Variants in COL16A1 observed in about 807,000 individuals in gnomAD.
COL16A1 encodes collagen type XVI alpha 1 chain, also known as collagen alpha-1(XVI) chain.
In COL16A1, 189 loss-of-function variants were observed where a neutral mutation model predicts 266.3. That is an observed-to-expected ratio of 0.71 (90% CI 0.63 to 0.80). The LOEUF (loss-of-function observed/expected upper bound fraction) is 0.80, where lower values mean the gene tolerates loss of function less well. Among genes scored for constraint, COL16A1 ranks in the 30% least tolerant of loss-of-function variants. The pLI is 0.00. For missense variants in COL16A1, 1,928 were observed against 2,122.4 expected, an observed-to-expected ratio of 0.91 and a Z score of 1.80; for synonymous variants, 740 against 782.3, an observed-to-expected ratio of 0.95 and a Z score of 0.90.
At position 31,694,161 on chromosome 1, in the gene COL16A1, C is replaced by A; in HGVS notation, c.991G>T (p.Ala331Ser). The A allele has an allele frequency of 6.3e-7, 1 of 1,597,106 alleles. No individual in the cohort carries two copies. Reference sequence around the variant, plus strand: ...GGACTCACCTTGGGGCCAGAGGGAGCAAGTGTGACCTGAGGGGACAGAGGA... The same window carrying A: ...GGACTCACCTTGGGGCCAGAGGGAGAAAGTGTGACCTGAGGGGACAGAGGA... ...HGARDSNVTLAPSGPKGGKGE... is the reference protein window; with the variant it reads ...HGARDSNVTLSPSGPKGGKGE... The change falls in exon 12 of 71, where the codon GCT becomes TCT. Residue 331 changes from alanine (A) to serine (S), a missense_variant. This residue lies in a region of COL16A1 where 1,552 missense variants were observed against 1,637.2 expected (regional missense o/e 0.95). Coordinates refer to ENST00000373672, the MANE Select transcript of COL16A1 (RefSeq NM_001856.4).
rs1161672841 is a variant in COL16A1, at chr1:31,684,850, C to G, written c.2023G>C (p.Ala675Pro). The G allele has an allele frequency of 1.2e-6, 2 of 1,613,932 alleles. No individual in the cohort carries two copies. The highest frequency in any genetic ancestry group is 2.7e-5 in the African/African-American group (2 of 74,942). The change falls in exon 30 of 71, where the codon GCT (alanine) becomes CCT (proline). Residue 675 changes from alanine (A) to proline (P), a missense_variant. Physicochemically the swap from Ala to Pro is conservative, Grantham distance 27 (BLOSUM62 -1). Around this residue, in one of 2 missense-constraint regions of COL16A1, gnomAD observed 1,552 missense variants for 1,637.2 expected, o/e 0.95. Coordinates refer to ENST00000373672, the MANE Select transcript of COL16A1 (RefSeq NM_001856.4). ...TGCCCCTTCAGTCCACGCTCTCCAG[C>G]CTTGCCCTGAGGAGAAAGCATTTCC... is the stretch of plus-strand genomic sequence containing the variant. The part of the protein sequence containing the change: ...GFGLPGKQGK[A>P]GERGLKGQKG...
rs1641303953 is a variant in COL16A1, at chr1:31,657,887, C to A, written c.4020+601G>T. Among the ~76,000 whole-genome samples, 1 of 152,202 alleles carries A rather than the reference C, an allele frequency of 6.6e-6. No individual in the cohort carries two copies. Among genetic ancestry groups the A allele is most frequent in the South Asian group, 2.1e-4 (1 of 4,834 alleles). ...CAGGCAGGCTGGGATCAAGTCAGAG[C>A]TCTTCCACTCACTAGCTATGTGACT... On this transcript the variant is annotated intron_variant, in intron 64 of 70. Coordinates refer to ENST00000373672, the MANE Select transcript of COL16A1 (RefSeq NM_001856.4). This position sits in a 1 kb window ranked among gnomAD's most constrained non-coding sequence, Gnocchi z 6.4.
At chr1:31,683,834 TCCTGCCCTGCAC>T (rs1643827074) in intron 33 of COL16A1, 86 bp from the exon 34 acceptor site, 2 of 1,607,912 alleles carry the variant, frequency 1.2e-6, no homozygotes, top group African/African-American at 2.7e-5. Context: ...TCCAGCTTCT[TCCTGCCCTGCAC>T]CCTGCCTCCA....
chr1:31,686,450 A>G, intron 26 of COL16A1, 171 bp from the exon 27 acceptor site: 1 of 881,246 alleles, frequency 1.1e-6, no homozygotes, highest in Non-Finnish European at 1.8e-6. Flanking sequence ...GTAACCAGCC[A>G]GGGGCTAGAA....
At chr1:31,671,993 G>A (rs1275237364) in intron 47 of COL16A1, among the ~76,000 whole-genome samples, 1 of 152,202 alleles carries the variant, frequency 6.6e-6, no homozygotes, top group Non-Finnish European at 1.5e-5. Context: ...GCACATAGTT[G>A]GTGTTGAGCT....
At chr1:31,659,335 T>C (rs1415585542) in intron 62 of COL16A1, among the ~76,000 whole-genome samples, 2 of 152,042 alleles carry the variant, frequency 1.3e-5, no homozygotes, top group African/African-American at 4.8e-5. Context: ...TACTTCCTGC[T>C]GTTCTATGGA....
At chr1:31,672,301 G>A in intron 47 of COL16A1, 115 bp downstream of exon 47, 1 of 1,174,570 alleles carries the variant, frequency 8.5e-7, no homozygotes, top group Admixed American at 2.0e-5. Context: ...GAGAGCAGAT[G>A]AGCCCAGAGT....
intron 37 of COL16A1, 40 bp from the exon 38 acceptor site, chr1:31,681,107 C>T (rs1440703458): frequency 6.3e-7 from 1 of 1,581,766 alleles, no homozygotes; most frequent in South Asian, 1.2e-5. Context: ...TGAGACTGGG[C>T]AGCGGCCAGC....
At chr1:31,701,634 C>T (rs1422824086) in intron 2 of COL16A1, 1 of 915,642 alleles carries the variant, frequency 1.1e-6, no homozygotes, top group Non-Finnish European at 1.3e-6. Context: ...TCAGGGCCAG[C>T]CGTGGAGGAG....
At chr1:31,702,056 G>T in intron 2 of COL16A1, 65 bp downstream of exon 2, 1 of 1,611,136 alleles carries the variant, frequency 6.2e-7, no homozygotes, top group South Asian at 1.1e-5. Context: ...TATGTGCAAG[G>T]ACCCCAGCAC....
rs139689619 is a variant in COL16A1 at position 31,658,310 on chromosome 1, G to A, written c.4020+178C>T. ...CTCATGTGCAGCCTGGCACAGCACT[G>A]CAGGGCCTATCCTTCCAAATTCAGC... On this transcript the variant is annotated intron_variant, in intron 64 of 70. Coordinates refer to ENST00000373672, the MANE Select transcript of COL16A1 (RefSeq NM_001856.4). Among the ~76,000 whole-genome samples, 593 of 152,348 alleles carry A rather than the reference G, an allele frequency of 3.9e-3. 2 individuals are homozygous for A. Among genetic ancestry groups the A allele is most frequent in the Non-Finnish European group, 6.6e-3 (448 of 68,030 alleles).
At chr1:31,702,360 G>T (rs1157112508) in intron 1 of COL16A1, 133 bp from the exon 2 acceptor site, 1 of 861,322 alleles carries the variant, frequency 1.2e-6, no homozygotes, top group Admixed American at 2.2e-5. Context: ...CCAGGCATCA[G>T]TCTCTCTCAG....
intron 2 of COL16A1, among the ~76,000 whole-genome samples, chr1:31,701,072 C>T (rs974968505): frequency 5.3e-5 from 8 of 152,188 alleles, no homozygotes; most frequent in African/African-American, 1.9e-4. Context: ...GTGAAGACAG[C>T]TCCTAGAAGC....
chr1:31,697,974 G>C lies in COL16A1; in HGVS notation c.589C>G (p.Arg197Gly), dbSNP rs1644570818. ...TGGCCCACAGGCCTCATGGGTCGTC[G>C]GGGCCCCAGAGGCTGGGAGGAGGCT... Reference protein sequence around the residue: ...SSASSQPLGPRRPMRPVGHVF... With the variant: ...SSASSQPLGPGRPMRPVGHVF... Residue 197 changes from arginine (R) to glycine (G), a missense_variant, in exon 6 of 71, where the codon CGA becomes GGA. Physicochemically the swap from Arg to Gly is moderately radical, Grantham distance 125. This residue lies in a region of COL16A1 where 1,552 missense variants were observed against 1,637.2 expected (regional missense o/e 0.95). Transcript: ENST00000373672. This position sits in a 1 kb window ranked among gnomAD's most constrained non-coding sequence, Gnocchi z 4.2. The C allele has an allele frequency of 6.2e-7, 1 of 1,613,426 alleles. No homozygotes were observed.
At chr1:31,679,006 T>C (rs556542848) in intron 42 of COL16A1, among the ~76,000 whole-genome samples, 1 of 152,352 alleles carries the variant, frequency 6.6e-6, no homozygotes, top group African/African-American at 2.4e-5. Context: ...ACAAAGGCTA[T>C]CCCTCACAGC....
intron 55 of COL16A1, 172 bp from the exon 56 acceptor site, chr1:31,665,406 A>T (rs1202360855): frequency 7.1e-7 from 1 of 1,415,180 alleles, no homozygotes; most frequent in East Asian, 2.4e-5. Flanking sequence ...GGCCCACACA[A>T]GAGGCTGGGC....
rs374658364 is a variant in COL16A1 at position 31,662,680 on chromosome 1, C to CG, written c.3556-23_3556-22insC. The CG allele has an allele frequency of 4.4e-4, 510 of 1,164,376 alleles. 4 individuals are homozygous for CG. The African/African-American group carries it at 6.8e-3, about 16-fold the overall frequency. The allele number at this position is 1,164,376 out of a possible 1,614,324, so 72.1% of individuals were successfully genotyped here. A position where few individuals can be genotyped will look rare whatever the true frequency, so the allele number is the denominator to read the frequency against. ...TGCCCTGGAAACCAGCGCCGCCCCC[C>CG]CCCCCCGCCCCACAATAAAGTCAGC... is the stretch of plus-strand genomic sequence containing the variant. On this transcript the variant is annotated intron_variant, in intron 56 of 70. Coordinates refer to ENST00000373672, the MANE Select transcript of COL16A1 (RefSeq NM_001856.4).
chr1:31,676,579 GA>G (rs559973593), intron 42 of COL16A1, among the ~76,000 whole-genome samples: 51 of 152,154 alleles, frequency 3.4e-4, no homozygotes, highest in Admixed American at 2.0e-3. Context: ...TTATTTGGGG[GA>G]AAAAAATTCT....
At chr1:31,666,558 T>C (rs1642161995) in intron 52 of COL16A1, among the ~76,000 whole-genome samples, 1 of 151,958 alleles carries the variant, frequency 6.6e-6, no homozygotes, top group South Asian at 2.1e-4. Context: ...CCCCCAGGCC[T>C]TTGCACCCTT....
Sources: gnomAD v4.1 joint callset for allele counts (sites outside exome capture counted in the v4.1 genomes callset) on GRCh38, gnomAD v4.1.1 for gene constraint, gnomAD v4.1.1 regional missense constraint, Gnocchi (gnomAD v3.1) non-coding constraint, MANE v1.5 for transcripts, NCBI Gene and HGNC (gene_info 2026-07-23, HGNC 2026-07-21) for gene names.